Variants in SLC8A1 observed in about 807,000 individuals in gnomAD.
SLC8A1 encodes sodium/calcium exchanger 1.
SLC8A1 carries 18 observed loss-of-function variants against 68.3 expected under a neutral mutation model. The ratio of observed to expected loss-of-function variants is 0.26; its 90% CI spans 0.18 to 0.39. The LOEUF (loss-of-function observed/expected upper bound fraction) is 0.39. Ranked by LOEUF, SLC8A1 falls within the 10% of genes least tolerant of loss-of-function variation. The pLI, the probability that SLC8A1 is intolerant of heterozygous loss-of-function variation, is 1.00. For missense variants in SLC8A1, 985 were observed against 1,156.7 expected (o/e 0.85, Z 2.15); for synonymous variants, 475 against 415.5 (o/e 1.14, Z -1.74).
chr2:40,178,905 A>G (rs138765516), intron 2 of SLC8A1, among the ~76,000 whole-genome samples: 98 of 152,320 alleles, frequency 6.4e-4, no homozygotes, highest in African/African-American at 2.3e-3. Flanking sequence ...TCCCATCAAG[A>G]TATTAATAGA....
chr2:40,390,722 C>G (rs999291431), intron 2 of SLC8A1, among the ~76,000 whole-genome samples: 1 of 151,966 alleles, frequency 6.6e-6, no homozygotes. Context: ...TTTTAACAAC[C>G]CGATATGTAA....
chr2:40,478,621 C>T (rs1436616037), intron 1 of SLC8A1, among the ~76,000 whole-genome samples: 3 of 152,026 alleles, frequency 2.0e-5, no homozygotes, highest in Non-Finnish European at 4.4e-5. Context: ...GTATTTCTCT[C>T]TCCCTTCTGA....
At chr2:40,120,995 C>A (rs1056725191) in intron 7 of SLC8A1, among the ~76,000 whole-genome samples, 12 of 152,148 alleles carry the variant, frequency 7.9e-5, no homozygotes, top group Non-Finnish European at 2.9e-5. Context: ...GTCCAGCCTG[C>A]CTTATTTTGT....
At chr2:40,170,255 T>G (rs761029090) in intron 4 of SLC8A1, 26 bp downstream of exon 7, 4 of 1,607,854 alleles carry the variant, frequency 2.5e-6, no homozygotes, top group Non-Finnish European at 3.4e-6. Flanking sequence ...GGCTGTGGTT[T>G]TCAAGGATCA....
At chr2:40,484,466 C>T (rs974265717) in intron 1 of SLC8A1, among the ~76,000 whole-genome samples, 1 of 152,198 alleles carries the variant, frequency 6.6e-6, no homozygotes, top group Non-Finnish European at 1.5e-5. Context: ...CGTATCTTTA[C>T]AATAGATTAT....
chr2:40,314,462 G>A (rs1003732045), intron 2 of SLC8A1, among the ~76,000 whole-genome samples: 1 of 151,066 alleles, frequency 6.6e-6, no homozygotes, highest in African/African-American at 2.4e-5. Flanking sequence ...TTTTCCAGTG[G>A]TATTTTAGCT....
chr2:40,348,969 G>A lies in SLC8A1; in HGVS notation c.1808+79504C>T, dbSNP rs182431325. Among the ~76,000 whole-genome samples, 356 of 152,126 alleles carry A rather than the reference G, an allele frequency of 2.3e-3. 1 individual carries two copies. Among genetic ancestry groups the A allele is most frequent in the Middle Eastern group, 0.017 (5 of 294 alleles). On this transcript the variant is annotated intron_variant, in intron 2 of 7. Coordinates refer to ENST00000406785, the Ensembl canonical transcript of SLC8A1. ...CACTAATAAATGATTTCTTAATTTC[G>A]TGGTGCCATGGGCTTTTTTGAGAAT...
chr2:40,183,008 G>A (rs2049921000), intron 2 of SLC8A1, among the ~76,000 whole-genome samples: 1 of 152,010 alleles, frequency 6.6e-6, no homozygotes, highest in Non-Finnish European at 1.5e-5. Flanking sequence ...GTTGCTTTTT[G>A]TCTTTTAAGG....
intron 6 of SLC8A1, among the ~76,000 whole-genome samples, chr2:40,152,035 T>G (rs2043535772): frequency 6.6e-6 from 1 of 152,226 alleles, no homozygotes; most frequent in Admixed American, 6.5e-5. Context: ...ACAGTGTATT[T>G]TAAGCACCAA....
chr2:40,216,196 C>T (rs188818126), intron 2 of SLC8A1, among the ~76,000 whole-genome samples: 4 of 152,196 alleles, frequency 2.6e-5, no homozygotes, highest in East Asian at 1.9e-4. Context: ...GGTGTTCCCC[C>T]TCCCTGTGTC....
intron 1 of SLC8A1, among the ~76,000 whole-genome samples, chr2:40,436,444 T>C (rs557673371): frequency 6.6e-6 from 1 of 152,210 alleles, no homozygotes; most frequent in African/African-American, 2.4e-5. Flanking sequence ...AGGAAACACA[T>C]GATTCAGACT....
intron 1 of SLC8A1, among the ~76,000 whole-genome samples, chr2:40,461,800 AAATT>A (rs1445788463): frequency 6.6e-6 from 1 of 152,136 alleles, no homozygotes; most frequent in African/African-American, 2.4e-5. Flanking sequence ...AAGATAAAAT[AAATT>A]GTTTGATTTT....
chr2:40,260,448 CTGATTGACTT>C (rs1434054301), intron 2 of SLC8A1, among the ~76,000 whole-genome samples: 21 of 152,320 alleles, frequency 1.4e-4, no homozygotes, highest in Admixed American at 2.6e-4. Context: ...CCAACCTACT[CTGATTGACTT>C]AGGCTGATCA....
At chr2:40,162,531 A>C (rs2045864099) in intron 5 of SLC8A1, among the ~76,000 whole-genome samples, 1 of 152,208 alleles carries the variant, frequency 6.6e-6, no homozygotes, top group African/African-American at 2.4e-5. Flanking sequence ...GTTTAAGATA[A>C]ACTAAACTTC....
At chr2:40,278,506 A>C (rs975681243) in intron 2 of SLC8A1, among the ~76,000 whole-genome samples, 1 of 148,438 alleles carries the variant, frequency 6.7e-6, no homozygotes, top group African/African-American at 2.6e-5. Flanking sequence ...CAAAACAAAA[A>C]GAAAGAAAAG....
intron 2 of SLC8A1, among the ~76,000 whole-genome samples, chr2:40,243,162 A>C (rs2061425349): frequency 1.3e-5 from 2 of 152,164 alleles, no homozygotes; most frequent in Admixed American, 6.5e-5. Flanking sequence ...CTAAATCTTT[A>C]ACTGAGTTAA....
chr2:40,293,917 C>T (rs915805954), intron 2 of SLC8A1, among the ~76,000 whole-genome samples: 27 of 152,094 alleles, frequency 1.8e-4, no homozygotes, highest in African/African-American at 5.8e-4. Context: ...TTAGAAACAG[C>T]ATTGATTGGG....
chr2:40,275,855 G>C (rs13008998), intron 2 of SLC8A1, among the ~76,000 whole-genome samples: 29,157 of 152,098 alleles, frequency 0.19, 3,222 homozygotes, highest in Admixed American at 0.3. Flanking sequence ...TGTTGGTGAA[G>C]TGGGGCATGG....
At chr2:40,406,839 T>C (rs1690509101) in intron 2 of SLC8A1, among the ~76,000 whole-genome samples, 1 of 152,228 alleles carries the variant, frequency 6.6e-6, no homozygotes, top group Non-Finnish European at 1.5e-5. Context: ...AACTTGCCAC[T>C]TTGGATTGAA....
Sources: allele counts gnomAD v4.1 joint callset (sites outside exome capture counted in the v4.1 genomes callset), GRCh38; gene constraint gnomAD v4.1.1; transcripts MANE v1.5; gene names NCBI Gene and HGNC (gene_info 2026-07-23, HGNC 2026-07-21).